EML4: variants seen among roughly 807,000 people sequenced by gnomAD.
EML4 encodes echinoderm microtubule-associated protein-like 4.
EML4 carries 72 observed loss-of-function variants against 129.0 expected under a neutral mutation model. The observed-to-expected ratio is 0.56, with a 90% CI of 0.46 to 0.68. EML4 has a LOEUF of 0.68. EML4 is among the 30% of genes least tolerant of loss of function. EML4 has a pLI of 0.00. For missense variants in EML4, 1,363 were observed against 1,190.6 expected, an observed-to-expected ratio of 1.14 and a Z score of -2.13; for synonymous variants, 532 against 405.0, an observed-to-expected ratio of 1.31 and a Z score of -3.77.
chr2:42,225,360 T>G (rs1673890268), intron 1 of EML4, among the ~76,000 whole-genome samples: 1 of 152,184 alleles, frequency 6.6e-6, no homozygotes, highest in African/African-American at 2.4e-5. Flanking sequence ...AGGTTTACAT[T>G]CCTACCAGCA....
At chr2:42,303,789 G>A (rs996604668) in intron 16 of EML4, among the ~76,000 whole-genome samples, 11 of 152,144 alleles carry the variant, frequency 7.2e-5, no homozygotes, top group African/African-American at 2.7e-4. Context: ...GCCAGGCGTG[G>A]TGGTGGGCGC....
At chr2:42,211,838 T>TTTTC (rs1294978657) in intron 1 of EML4, among the ~76,000 whole-genome samples, 1 of 152,002 alleles carries the variant, frequency 6.6e-6, no homozygotes, top group Non-Finnish European at 1.5e-5. Flanking sequence ...CCCACTTTCT[T>TTTTC]TTTCTTTCTT....
In EML4 at chr2:42,326,180, A is replaced by G. The variant is rs1431381762; in HGVS notation, c.2269A>G (p.Ile757Val). 1.9e-6 allele frequency: 3 copies of G among 1,613,876 alleles called. No individual in the cohort carries two copies. The highest frequency in any genetic ancestry group is 2.5e-6 in the Non-Finnish European group (3 of 1,179,868). Residue 757 changes from isoleucine (I) to valine (V), a missense_variant, in exon 21 of 23, where the codon ATC (isoleucine) becomes GTC (valine). Ile to Val is a conservative substitution (Grantham distance 29). Coordinates refer to ENST00000318522, the MANE Select transcript of EML4 (RefSeq NM_019063.5). Reference protein sequence around the residue: ...YWDIPNGCKLIRNRSDCKDID... With the variant: ...YWDIPNGCKLVRNRSDCKDID... The stretch of plus-strand genomic sequence containing the variant: ...GGACATTCCAAATGGCTGCAAACTA[A>G]TCAGGAATCGATCGGATTGTAAGGA...
intron 1 of EML4, among the ~76,000 whole-genome samples, chr2:42,235,036 C>T (rs1397852833): frequency 3.3e-5 from 5 of 151,942 alleles, no homozygotes; most frequent in African/African-American, 1.2e-4. Context: ...TGGCTCATGC[C>T]TGTAATCCCA....
chr2:42,292,795 T>A (rs527631328), intron 11 of EML4, among the ~76,000 whole-genome samples: 7 of 152,290 alleles, frequency 4.6e-5, no homozygotes, highest in African/African-American at 1.7e-4. Context: ...AAAGGATATA[T>A]CCTGTAAGGC....
chr2:42,285,199 A>C (rs921742109), intron 9 of EML4, among the ~76,000 whole-genome samples: 11 of 152,162 alleles, frequency 7.2e-5, no homozygotes, highest in African/African-American at 2.4e-4. Flanking sequence ...GGTGTGTGCC[A>C]CCATGCCCGG....
intron 1 of EML4, among the ~76,000 whole-genome samples, chr2:42,179,706 G>A (rs1328645893): frequency 6.6e-6 from 1 of 152,114 alleles, no homozygotes; most frequent in Admixed American, 6.5e-5. Flanking sequence ...GGGTTCAAGC[G>A]ATTATCCTGC....
intron 11 of EML4, chr2:42,289,913 C>CAAAAAAAAAAAAAAAAAAA (rs869189390): frequency 1.8e-5 from 1 of 55,828 alleles, no homozygotes; most frequent in Non-Finnish European, 3.9e-5. Context: ...ACTAAAAATA[C>CAAAAAAAAAAAAAAAAAAA]AAAAAAAAAA....
At chr2:42,207,522 A>G (rs1672632677) in intron 1 of EML4, among the ~76,000 whole-genome samples, 1 of 152,170 alleles carries the variant, frequency 6.6e-6, no homozygotes, top group African/African-American at 2.4e-5. Flanking sequence ...TACCTGAACC[A>G]CTTTTTAATT....
chr2:42,267,092 G>T (rs1205586684), intron 6 of EML4, among the ~76,000 whole-genome samples: 1 of 152,134 alleles, frequency 6.6e-6, no homozygotes, highest in Non-Finnish European at 1.5e-5. Flanking sequence ...CATTGAGCAG[G>T]TTACTTCAAC....
chr2:42,250,688 T>G (rs1365721860), intron 2 of EML4, among the ~76,000 whole-genome samples: 1 of 152,172 alleles, frequency 6.6e-6, no homozygotes, highest in Admixed American at 6.5e-5. Flanking sequence ...CACCAACTTT[T>G]TTGGCACTAG....
intron 1 of EML4, among the ~76,000 whole-genome samples, chr2:42,189,717 A>G (rs1671470650): frequency 6.6e-6 from 1 of 152,244 alleles, no homozygotes; most frequent in African/African-American, 2.4e-5. Context: ...GTTTGATATC[A>G]TACAGTTAGT....
chr2:42,276,352 C>A (rs1441533179), intron 6 of EML4, among the ~76,000 whole-genome samples: 1 of 152,106 alleles, frequency 6.6e-6, no homozygotes, highest in East Asian at 1.9e-4. Context: ...CCTTGCTGCT[C>A]CCTCGCTGAG....
chr2:42,174,532 G>A (rs888310272), intron 1 of EML4, among the ~76,000 whole-genome samples: 1 of 151,954 alleles, frequency 6.6e-6, no homozygotes, highest in Non-Finnish European at 1.5e-5. Context: ...CTCGGGTGAT[G>A]GCCACGCACC....
intron 1 of EML4, among the ~76,000 whole-genome samples, chr2:42,242,732 C>T (rs566585585): frequency 2.1e-4 from 32 of 149,750 alleles, no homozygotes; most frequent in African/African-American, 7.4e-4. Flanking sequence ...CTCTTCTCTT[C>T]TCGTCTCGTC....
intron 1 of EML4, among the ~76,000 whole-genome samples, chr2:42,210,478 CCTT>C (rs1249179162): frequency 6.6e-6 from 1 of 152,160 alleles, no homozygotes; most frequent in African/African-American, 2.4e-5. Flanking sequence ...TTAGGTTTCT[CCTT>C]TGTAAAATTA....
chr2:42,300,959 T>G (rs2103710372), intron 13 of EML4, among the ~76,000 whole-genome samples: 2 of 152,336 alleles, frequency 1.3e-5, no homozygotes, highest in South Asian at 4.1e-4. Context: ...ATATCCCCTT[T>G]CGTCTGTGGA....
chr2:42,238,352 A>G (rs1674805018), intron 1 of EML4, among the ~76,000 whole-genome samples: 1 of 152,228 alleles, frequency 6.6e-6, no homozygotes, highest in South Asian at 2.1e-4. Context: ...GTACCATAAT[A>G]TAGGAAATTA....
chr2:42,320,678 G>C (rs1669470317), intron 19 of EML4, among the ~76,000 whole-genome samples: 2 of 152,158 alleles, frequency 1.3e-5, no homozygotes, highest in African/African-American at 2.4e-5. Flanking sequence ...TTCCTTGAAA[G>C]ATTTTAAGTG....
Sources: gnomAD v4.1 joint callset for allele counts (sites outside exome capture counted in the v4.1 genomes callset) on GRCh38, gnomAD v4.1.1 for gene constraint, MANE v1.5 for transcripts, NCBI Gene and HGNC (gene_info 2026-07-23, HGNC 2026-07-21) for gene names.